Variants in COL6A3 observed in about 807,000 individuals in gnomAD.
COL6A3 encodes collagen alpha-3(VI) chain.
A neutral mutation model predicts 274.1 loss-of-function variants in COL6A3; 137 were observed. That is an observed-to-expected ratio of 0.50 (90% CI 0.44 to 0.58). COL6A3 has a LOEUF of 0.58. Among genes scored for constraint, COL6A3 ranks in the 20% least tolerant of loss-of-function variants. The pLI is 0.00. For synonymous variants in COL6A3, 1,650 were observed against 1,650.6 expected (o/e 1.00, Z 0.01); for missense variants, 3,950 against 4,124.9 (o/e 0.96, Z 1.16).
chr2:237,399,916 C>T lies in COL6A3; in HGVS notation c.-30-3069G>A, dbSNP rs369572597. 1.6e-4 allele frequency among the ~76,000 whole-genome samples: 25 copies of T among 152,304 alleles called. 2 individuals are homozygous for T. Among genetic ancestry groups the T allele is most frequent in the African/African-American group, 5.5e-4 (23 of 41,570 alleles). On this transcript the variant is annotated intron_variant, in intron 1 of 43. Coordinates refer to ENST00000295550, the MANE Select transcript of COL6A3 (RefSeq NM_004369.4). ...AAGTGAGAGAATTAGAATGGGTAGA[C>T]GACTGACATTTCCCCGGAGAAGCCC...
In COL6A3 at chr2:237,394,992, C is replaced by T. The variant is rs758569165; in HGVS notation, c.304G>A (p.Val102Ile). 1.2e-6 allele frequency: 2 copies of T among 1,614,166 alleles called. No homozygotes were observed. The highest frequency in any genetic ancestry group is 2.2e-5 in the East Asian group (1 of 44,886). Residue 102 changes from valine to isoleucine, a missense_variant, in exon 3 of 44, where the codon GTC (valine) becomes ATC (isoleucine). Val to Ile is a conservative substitution (Grantham distance 29). Transcript: ENST00000295550. ...GACATGTTGGAAATATGAGAAAGGA[C>T]TTCTTGTTTAGTACGATACGTATTT... ...LLNTYRTKQEVLSHISNMSYI... is the reference protein window; with the variant it reads ...LLNTYRTKQEILSHISNMSYI...
At chr2:237,350,797 C>T (rs933978055) in intron 27 of COL6A3, among the ~76,000 whole-genome samples, 27 of 152,156 alleles carry the variant, frequency 1.8e-4, no homozygotes, top group African/African-American at 3.6e-4. Context: ...AAGCACTGCC[C>T]GGCTGCTCTG....
At chr2:237,378,523 G>C in intron 6 of COL6A3, 113 bp downstream of exon 6, 1 of 1,480,744 alleles carries the variant, frequency 6.8e-7, no homozygotes, top group Non-Finnish European at 9.4e-7. Context: ...CAATGGAAGG[G>C]AGCCAATTGT....
chr2:237,369,016 C>T lies in COL6A3; in HGVS notation c.4447G>A (p.Asp1483Asn). 1.2e-6 allele frequency: 2 copies of T among 1,614,228 alleles called. No individual in the cohort carries two copies. The highest frequency in any genetic ancestry group is 2.7e-5 in the African/African-American group (2 of 75,068). ...TTCAGATAGAATTCTGGGAAGACATCATTGCTGAACTGCACGACCCCAACT... is the reference window on the plus strand; with the variant it reads ...TTCAGATAGAATTCTGGGAAGACATTATTGCTGAACTGCACGACCCCAACT... ...VRVGVVQFSN[D>N]VFPEFYLKTY... is the part of the protein sequence containing the mutation. The change falls in exon 10 of 44, where the codon GAT (aspartate) becomes AAT (asparagine). Residue 1483 changes from aspartate (D) to asparagine (N), a missense_variant. Physicochemically the swap from Asp to Asn is conservative, Grantham distance 23. Transcript: ENST00000295550.
chr2:237,353,448 G>A (rs2077250104), intron 24 of COL6A3, 45 bp from the exon 25 acceptor site: 2 of 1,524,072 alleles, frequency 1.3e-6, no homozygotes, highest in African/African-American at 1.4e-5. Flanking sequence ...GATGGTTCCT[G>A]TCAATGTCAG....
chr2:237,372,165 G>A lies in COL6A3; in HGVS notation c.3852C>T (p.Phe1284=), dbSNP rs148561729. The A allele has an allele frequency of 3.1e-5, 50 of 1,614,112 alleles. No individual in the cohort carries two copies. In the African/African-American group the frequency reaches 4.9e-4, roughly 16 times the overall value. The change falls in exon 9 of 44, where the codon TTC becomes TTT. Residue 1284 remains phenylalanine (F), a synonymous_variant. Transcript: ENST00000295550. ...IQFSDDPKVE[F]LLNAHSSKDE... ...CCTTGCTGGAATGGGCGTTCAGCAG[G>A]AACTCCACCTTGGGGTCATCGCTGA...
At chr2:237,396,606 A>G (rs1393145340) in intron 2 of COL6A3, 121 bp downstream of exon 2, 2 of 986,844 alleles carry the variant, frequency 2.0e-6, no homozygotes, top group East Asian at 4.8e-5. Context: ...ACTATCCTAT[A>G]ATAAATGGCT....
Position 237,357,889 on chromosome 2 carries a change from G to C in COL6A3, c.6472-7C>G. ...TGTCTTGTCCTGGGTTACCCTGAAA[G>C]CAACATGGGAAAGGGAAATGAGCCA... On this transcript the variant is annotated splice_region_variant and splice_polypyrimidine_tract_variant and intron_variant, in intron 21 of 43. Transcript: ENST00000295550. The C allele has an allele frequency of 1.9e-6, 3 of 1,613,990 alleles. No individual in the cohort carries two copies. The highest frequency in any genetic ancestry group is 2.5e-6 in the Non-Finnish European group (3 of 1,179,858).
At chr2:237,412,768 A>G (rs1286330397) in intron 1 of COL6A3, among the ~76,000 whole-genome samples, 1 of 152,164 alleles carries the variant, frequency 6.6e-6, no homozygotes, top group African/African-American at 2.4e-5. Flanking sequence ...CATCCCCGTG[A>G]GCTCTGAGCA....
chr2:237,387,501 G>T, intron 4 of COL6A3, 81 bp downstream of exon 4: 1 of 1,605,974 alleles, frequency 6.2e-7, no homozygotes. Flanking sequence ...GGCGAATCAT[G>T]CTGGTACCCA....
At position 237,371,588 on chromosome 2, in the gene COL6A3, A is replaced by G; in HGVS notation, c.4285+144T>C. ...ACTCCAGCCTGGACGACAGAGCCAG[A>G]CCCTGTCTCAAAATAAAAACCATAA... On this transcript the variant is annotated intron_variant, in intron 9 of 43. Coordinates refer to ENST00000295550, the MANE Select transcript of COL6A3 (RefSeq NM_004369.4). This position sits in a 1 kb window ranked among gnomAD's most constrained non-coding sequence, Gnocchi z 4.3. 6.8e-7 allele frequency: 1 copy of G among 1,481,378 alleles called. No individual in the cohort carries two copies. The highest frequency in any genetic ancestry group is 8.9e-7 in the Non-Finnish European group (1 of 1,122,414). The allele number at this position is 1,481,378 out of a possible 1,614,324, so 91.8% of individuals were successfully genotyped here.
In COL6A3 at chr2:237,385,029, C is replaced by T. The variant is rs2645785; in HGVS notation, c.1312+2553G>A. ...CTGGACCACTCTTCCCCCTGCTCTC[C>T]GCATGCTCATCTGCCTTCGGTTCCA... is the stretch of plus-strand genomic sequence containing the variant. On this transcript the variant is annotated intron_variant, in intron 4 of 43. Coordinates refer to ENST00000295550, the MANE Select transcript of COL6A3 (RefSeq NM_004369.4). Among the ~76,000 whole-genome samples the T allele has an allele frequency of 6.3e-3, 961 of 152,178 alleles. 11 individuals carry two copies. The highest frequency in any genetic ancestry group is 0.014 in the Middle Eastern group (4 of 294).
In COL6A3 at chr2:237,364,229, C is replaced by T. The variant is rs2077498860; in HGVS notation, c.5917+121G>A. The T allele has an allele frequency of 2.5e-6, 2 of 799,624 alleles. No homozygotes were observed. Among genetic ancestry groups the T allele is most frequent in the South Asian group, 2.8e-5 (2 of 71,498 alleles). 49.5% of individuals were successfully genotyped at this position (799,624 alleles called of 1,614,324 possible). A position where few individuals can be genotyped will look rare whatever the true frequency, so the allele number is the denominator to read the frequency against. Reference sequence around the variant, plus strand: ...GGGCCACAACGCTGGGAGGAAGAGTCTCCCAAGACAACGCTGCTCCCTTGG... The same window carrying T: ...GGGCCACAACGCTGGGAGGAAGAGTTTCCCAAGACAACGCTGCTCCCTTGG... On this transcript the variant is annotated intron_variant, in intron 13 of 43. Transcript: ENST00000295550. The surrounding 1 kb of genome is among the most constrained non-coding windows in gnomAD (Gnocchi z 4.6).
rs543445991 is a variant in COL6A3 at position 237,372,598 on chromosome 2, G to A, written c.3680-261C>T. 9.2e-5 allele frequency among the ~76,000 whole-genome samples: 14 copies of A among 152,338 alleles called. 1 individual carries two copies. The South Asian group carries it at 1.2e-3, about 14-fold the overall frequency. On this transcript the variant is annotated intron_variant, in intron 8 of 43. Coordinates refer to ENST00000295550, the MANE Select transcript of COL6A3 (RefSeq NM_004369.4). ...AGCGAGGATGGTACTTGGGAAGGAC[G>A]TGACCTGCACTGCATCAGGTGCTGC... is the stretch of plus-strand genomic sequence containing the variant.
At chr2:237,339,522 A>G (rs1308435109) in intron 38 of COL6A3, among the ~76,000 whole-genome samples, 1 of 152,246 alleles carries the variant, frequency 6.6e-6, no homozygotes, top group Non-Finnish European at 1.5e-5. Flanking sequence ...TTTGGAAGAC[A>G]GGAACAGTGA....
In COL6A3 at chr2:237,365,680, C is replaced by A. The variant is rs185352532; in HGVS notation, c.5838+18G>T. 1 of 1,613,366 alleles carries A rather than the reference C, an allele frequency of 6.2e-7. No homozygotes were observed. The highest frequency in any genetic ancestry group is 8.5e-7 in the Non-Finnish European group (1 of 1,179,318). On this transcript the variant is annotated intron_variant, in intron 12 of 43. Transcript: ENST00000295550. The stretch of plus-strand genomic sequence containing the variant: ...GGAAATTTCCCAGGGAGCACCTGAA[C>A]CAACTGGCCCCACAGACCTTCACGC...
intron 1 of COL6A3, among the ~76,000 whole-genome samples, chr2:237,399,192 C>A (rs1483680077): frequency 1.3e-5 from 2 of 152,148 alleles, no homozygotes; most frequent in African/African-American, 4.8e-5. Flanking sequence ...GTTCACCAGC[C>A]TGAATTTGGG....
At chr2:237,363,131 C>G in intron 14 of COL6A3, 122 bp downstream of exon 14, 1 of 965,420 alleles carries the variant, frequency 1.0e-6, no homozygotes, top group Non-Finnish European at 1.6e-6. Flanking sequence ...ATAAATTTAA[C>G]TATCTACCAA....
At chr2:237,385,370 C>T (rs2078118911) in intron 4 of COL6A3, among the ~76,000 whole-genome samples, 1 of 152,200 alleles carries the variant, frequency 6.6e-6, no homozygotes, top group Admixed American at 6.5e-5. Context: ...GGTTGAAACT[C>T]TACTTGGCTA....
Sources: allele counts gnomAD v4.1 joint callset (sites outside exome capture counted in the v4.1 genomes callset), GRCh38; gene constraint gnomAD v4.1.1; non-coding constraint Gnocchi (gnomAD v3.1); transcripts MANE v1.5; gene names NCBI Gene and HGNC (gene_info 2026-07-23, HGNC 2026-07-21).